Variants in FBXW8 observed in about 807,000 individuals in gnomAD.
FBXW8 encodes the protein F-box and WD repeat domain containing 8, also known as F-box/WD repeat-containing protein 8.
A neutral mutation model predicts 65.3 loss-of-function variants in FBXW8; 57 were observed. The observed-to-expected ratio is 0.87, with a 90% CI of 0.71 to 1.09. The LOEUF (loss-of-function observed/expected upper bound fraction) is 1.09. Ranked by LOEUF, FBXW8 falls within the 50% of genes least tolerant of loss-of-function variation. The pLI, the probability that FBXW8 is intolerant of heterozygous loss-of-function variation, is 0.00. For synonymous variants in FBXW8, 308 were observed against 330.2 expected (o/e 0.93, Z 0.73); for missense variants, 777 against 814.8 (o/e 0.95, Z 0.57).
At chr12:116,970,263 CAGT>C (rs1884573184) in intron 5 of FBXW8, among the ~76,000 whole-genome samples, 1 of 152,210 alleles carries the variant, frequency 6.6e-6, no homozygotes, top group African/African-American at 2.4e-5. Context: ...TTGTCCCCCT[CAGT>C]AGAGAGAGGA....
chr12:116,920,943 C>T (rs1880849787), intron 1 of FBXW8, among the ~76,000 whole-genome samples: 1 of 152,162 alleles, frequency 6.6e-6, no homozygotes, highest in Non-Finnish European at 1.5e-5. Context: ...TTCCTGTCTT[C>T]TCTCCTCGCC....
chr12:116,920,692 GGTTC>G (rs1880825988), intron 1 of FBXW8, among the ~76,000 whole-genome samples: 1 of 152,118 alleles, frequency 6.6e-6, no homozygotes, highest in African/African-American at 2.4e-5. Context: ...CAAGTGCAAA[GGTTC>G]TGTGGTGACC....
chr12:116,919,365 C>T (rs749460516), intron 1 of FBXW8, among the ~76,000 whole-genome samples: 1 of 152,150 alleles, frequency 6.6e-6, no homozygotes, highest in African/African-American at 2.4e-5. Flanking sequence ...TCTGCTGTTA[C>T]CAGTTTGCCT....
chr12:116,984,862 C>T (rs545685118), intron 5 of FBXW8, among the ~76,000 whole-genome samples: 3 of 152,238 alleles, frequency 2.0e-5, no homozygotes, highest in South Asian at 2.1e-4. Flanking sequence ...TGGTGGCACA[C>T]GCCTGTAGTC....
At chr12:116,928,716 T>C (rs1283991975) in intron 2 of FBXW8, among the ~76,000 whole-genome samples, 5 of 152,124 alleles carry the variant, frequency 3.3e-5, no homozygotes, top group African/African-American at 1.2e-4. Context: ...GTGGGAGATA[T>C]CATTTAGGCC....
At chr12:116,980,519 C>T (rs1183326576) in intron 5 of FBXW8, 2 of 152,218 alleles carry the variant, frequency 1.3e-5, no homozygotes, top group Non-Finnish European at 2.9e-5. Flanking sequence ...GAAAAGGACA[C>T]AGTCTTGCCA....
chr12:116,926,086 G>A (rs566278600), intron 1 of FBXW8, among the ~76,000 whole-genome samples: 28 of 152,220 alleles, frequency 1.8e-4, no homozygotes, highest in Non-Finnish European at 4.1e-4. Context: ...CCTGTTACTA[G>A]AGGTAAGACT....
chr12:117,017,739 TAGC>T (rs1318987812), intron 8 of FBXW8, among the ~76,000 whole-genome samples: 1 of 152,194 alleles, frequency 6.6e-6, no homozygotes, highest in African/African-American at 2.4e-5. Flanking sequence ...GTAGAAATAT[TAGC>T]AGAAGGTCAG....
intron 7 of FBXW8, 111 bp downstream of exon 7, chr12:116,988,980 T>C: frequency 1.0e-6 from 1 of 964,986 alleles, no homozygotes. Context: ...ATCAGGCCAG[T>C]ATATAAGCAT....
chr12:116,919,843 A>G (rs1446743664), intron 1 of FBXW8, among the ~76,000 whole-genome samples: 1 of 152,208 alleles, frequency 6.6e-6, no homozygotes, highest in Non-Finnish European at 1.5e-5. Flanking sequence ...GCTGGCCAAT[A>G]TTTATCACTC....
At chr12:116,958,829 T>A (rs1410535146) in intron 4 of FBXW8, among the ~76,000 whole-genome samples, 1 of 152,234 alleles carries the variant, frequency 6.6e-6, no homozygotes, top group Non-Finnish European at 1.5e-5. Flanking sequence ...TGATCATGAA[T>A]AACTCATTAC....
chr12:116,991,228 G>C (rs1453933518), intron 7 of FBXW8, among the ~76,000 whole-genome samples: 1 of 152,138 alleles, frequency 6.6e-6, no homozygotes, highest in Non-Finnish European at 1.5e-5. Context: ...TTCTCCAACA[G>C]GAATGCCACC....
chr12:117,026,079 C>T (rs966983731), intron 9 of FBXW8, among the ~76,000 whole-genome samples: 10 of 152,248 alleles, frequency 6.6e-5, no homozygotes, highest in Admixed American at 6.5e-4. Context: ...GCAGTGCCTG[C>T]TGCCAGGCCC....
At chr12:116,942,745 T>C (rs1411717961) in intron 2 of FBXW8, among the ~76,000 whole-genome samples, 2 of 149,888 alleles carry the variant, frequency 1.3e-5, no homozygotes, top group Admixed American at 6.7e-5. Context: ...TTTCAGTTCC[T>C]GTACTTTTTA....
chr12:117,001,345 G>C (rs944504355), intron 7 of FBXW8, among the ~76,000 whole-genome samples: 1 of 147,688 alleles, frequency 6.8e-6, no homozygotes, highest in East Asian at 1.9e-4. Context: ...GATTTTAGCT[G>C]CCTGCCTGCC....
At chr12:116,949,540 T>C (rs1418033763) in intron 3 of FBXW8, 78 bp from the exon 4 acceptor site, 1 of 1,234,204 alleles carries the variant, frequency 8.1e-7, no homozygotes, top group African/African-American at 1.5e-5. Context: ...CTGTGGAAAG[T>C]AGGTGAAAAA....
rs117469848 is a variant in FBXW8 at position 116,991,105 on chromosome 12, A to G, written c.1239+2236A>G. On this transcript the variant is annotated intron_variant, in intron 7 of 10. Coordinates refer to ENST00000652555, the MANE Select transcript of FBXW8 (RefSeq NM_153348.3). The stretch of plus-strand genomic sequence containing the variant: ...TCTAAATGTCTCTTTGGAAGCTGAC[A>G]GTAGCATTTAGTCATCCACATATTT... 2.0e-5 allele frequency among the ~76,000 whole-genome samples: 3 copies of G among 152,380 alleles called. No individual in the cohort carries two copies. In the East Asian group the frequency reaches 5.8e-4, roughly 29 times the overall value.
intron 7 of FBXW8, among the ~76,000 whole-genome samples, chr12:116,999,660 G>T (rs1441777034): frequency 6.6e-6 from 1 of 152,120 alleles, no homozygotes; most frequent in Admixed American, 6.5e-5. Context: ...GCGTGGCGAG[G>T]AGCATGGGTA....
chr12:117,018,940 A>G (rs940940455), intron 8 of FBXW8, among the ~76,000 whole-genome samples: 1 of 151,956 alleles, frequency 6.6e-6, no homozygotes, highest in African/African-American at 2.4e-5. Context: ...ACTCTGATTA[A>G]CCAAATATGC....
Sources: allele counts gnomAD v4.1 joint callset (sites outside exome capture counted in the v4.1 genomes callset), GRCh38; gene constraint gnomAD v4.1.1; transcripts MANE v1.5; gene names NCBI Gene and HGNC (gene_info 2026-07-23, HGNC 2026-07-21).